The following SP4 variants were observed in gnomAD, a reference collection of about 807,000 sequenced individuals.
The protein encoded by SP4 is transcription factor Sp4.
A neutral mutation model predicts 72.8 loss-of-function variants in SP4; 19 were observed. That is an observed-to-expected ratio of 0.26 (90% confidence interval 0.18 to 0.38). The LOEUF (loss-of-function observed/expected upper bound fraction) is 0.38. Ranked by LOEUF, SP4 falls within the 10% of genes least tolerant of loss-of-function variation. SP4 has a pLI of 1.00. For synonymous variants in SP4, 395 were observed against 333.1 expected (o/e 1.19, Z -2.02); for missense variants, 1,008 against 926.3 (o/e 1.09, Z -1.14).
intron 5 of SP4, among the ~76,000 whole-genome samples, chr7:21,485,843 T>A (rs1340709997): frequency 6.6e-6 from 1 of 152,030 alleles, no homozygotes; most frequent in Non-Finnish European, 1.5e-5. Context: ...CTAATGAACA[T>A]GAACAGTTTC....
chr7:21,501,414 A>G (rs1781859778), intron 5 of SP4, among the ~76,000 whole-genome samples: 1 of 152,192 alleles, frequency 6.6e-6, no homozygotes. Context: ...GAATTGCTCT[A>G]GAAGTCTTTT....
At chr7:21,474,874 A>G (rs1389501781) in intron 3 of SP4, among the ~76,000 whole-genome samples, 1 of 152,232 alleles carries the variant, frequency 6.6e-6, no homozygotes, top group Non-Finnish European at 1.5e-5. Flanking sequence ...GTGACAAAAT[A>G]AATTTTTTAA....
intron 5 of SP4, among the ~76,000 whole-genome samples, chr7:21,489,397 G>A (rs1416986180): frequency 2.0e-5 from 3 of 151,726 alleles, no homozygotes; most frequent in Non-Finnish European, 4.4e-5. Context: ...CATAGCTCAC[G>A]GCAGCCTTGA....
intron 5 of SP4, chr7:21,482,849 T>C (rs1306697756): frequency 1.7e-6 from 1 of 592,998 alleles, no homozygotes; most frequent in Non-Finnish European, 2.1e-6. Flanking sequence ...TATATGAATT[T>C]CCTTGAACTG....
intron 3 of SP4, among the ~76,000 whole-genome samples, chr7:21,433,380 C>CTTT (rs1246932324): frequency 2.6e-5 from 4 of 152,092 alleles, no homozygotes; most frequent in African/African-American, 7.2e-5. Context: ...ATGCTCAATC[C>CTTT]TTTTAAAAAG....
intron 5 of SP4, among the ~76,000 whole-genome samples, chr7:21,487,536 A>G (rs941315389): frequency 1.3e-4 from 20 of 151,768 alleles, no homozygotes; most frequent in East Asian, 5.8e-4. Context: ...TTAATTTCCA[A>G]TAGTGTATTC....
chr7:21,434,144 A>G (rs562377477), intron 3 of SP4, among the ~76,000 whole-genome samples: 1 of 152,218 alleles, frequency 6.6e-6, no homozygotes, highest in Admixed American at 6.5e-5. Flanking sequence ...GGAGAATGGT[A>G]TTGTTTAATT....
intron 3 of SP4, among the ~76,000 whole-genome samples, chr7:21,473,689 A>G (rs1784414532): frequency 6.6e-6 from 1 of 152,238 alleles, no homozygotes; most frequent in African/African-American, 2.4e-5. Flanking sequence ...CCAGAATATT[A>G]CAAAGGAATC....
intron 5 of SP4, chr7:21,482,691 GT>G (rs1487483355): frequency 3.4e-5 from 33 of 982,392 alleles, no homozygotes; most frequent in Non-Finnish European, 4.0e-5. Flanking sequence ...ATGTGTCTAA[GT>G]TTTACGTACA....
chr7:21,493,411 G>C (rs73685156), intron 5 of SP4, among the ~76,000 whole-genome samples: 25 of 152,022 alleles, frequency 1.6e-4, no homozygotes, highest in African/African-American at 5.8e-4. Context: ...GAGGAAATTC[G>C]TAGCATTAAA....
intron 4 of SP4, among the ~76,000 whole-genome samples, chr7:21,479,489 T>C (rs960453056): frequency 9.8e-5 from 15 of 152,356 alleles, no homozygotes; most frequent in African/African-American, 2.9e-4. Flanking sequence ...CATTGATCTA[T>C]ATGACTATCT....
intron 5 of SP4, among the ~76,000 whole-genome samples, chr7:21,510,550 T>C (rs1220133602): frequency 6.6e-6 from 1 of 152,196 alleles, no homozygotes. Context: ...TGTAAAGAAC[T>C]CAGTATGCTA....
At chr7:21,508,490 C>T (rs914209561) in intron 5 of SP4, among the ~76,000 whole-genome samples, 4 of 152,240 alleles carry the variant, frequency 2.6e-5, no homozygotes, top group Non-Finnish European at 4.4e-5. Flanking sequence ...CCACGCCCAG[C>T]TACTTTTTTT....
At chr7:21,490,650 A>G (rs1784952221) in intron 5 of SP4, among the ~76,000 whole-genome samples, 1 of 152,200 alleles carries the variant, frequency 6.6e-6, no homozygotes, top group African/African-American at 2.4e-5. Flanking sequence ...AGCGATATAA[A>G]AGATGCTTCC....
chr7:21,437,562 C>G (rs1227732535), intron 3 of SP4, among the ~76,000 whole-genome samples: 1 of 151,960 alleles, frequency 6.6e-6, no homozygotes, highest in African/African-American at 2.4e-5. Context: ...AAATATGAGA[C>G]AAAGCTGGGA....
At chr7:21,442,656 T>TTAC (rs367898787) in intron 3 of SP4, among the ~76,000 whole-genome samples, 4 of 152,330 alleles carry the variant, frequency 2.6e-5, no homozygotes, top group African/African-American at 9.6e-5. Context: ...ACTAAAAAGT[T>TTAC]TACCATATCA....
At chr7:21,497,380 TA>T (rs1781739928) in intron 5 of SP4, among the ~76,000 whole-genome samples, 1 of 152,248 alleles carries the variant, frequency 6.6e-6, no homozygotes, top group African/African-American at 2.4e-5. Context: ...TAAGTTAAAA[TA>T]CTACAAAGCT....
intron 3 of SP4, among the ~76,000 whole-genome samples, chr7:21,471,695 G>C (rs528301445): frequency 2.0e-5 from 3 of 152,124 alleles, no homozygotes; most frequent in Non-Finnish European, 2.9e-5. Context: ...TTAACTAGGT[G>C]TGGTGGCATG....
chr7:21,463,797 A>G (rs1784076310), intron 3 of SP4, among the ~76,000 whole-genome samples: 1 of 152,112 alleles, frequency 6.6e-6, no homozygotes. Flanking sequence ...GGGTTCCCCT[A>G]TTTCTGTTAA....
Sources: allele counts gnomAD v4.1 joint callset (sites outside exome capture counted in the v4.1 genomes callset), GRCh38; gene constraint gnomAD v4.1.1; transcripts MANE v1.5; gene names NCBI Gene and HGNC (gene_info 2026-07-23, HGNC 2026-07-21).